KRABD4: variants seen among roughly 807,000 people sequenced by gnomAD.
KRABD4 encodes the protein KRAB domain-containing protein 4.
At chrX:46,458,672 C>T in the KRABD4 span, among the ~76,000 whole-genome samples, 1 of 111,849 alleles carries the variant, frequency 8.9e-6, no homozygotes, top group Non-Finnish European at 1.9e-5. Flanking sequence ...TTTTAATCAG[C>T]AGTTGCATTG....
At chrX:46,473,216 T>C in the KRABD4 span, 1 of 1,177,566 alleles carries the variant, frequency 8.5e-7, no homozygotes, top group Non-Finnish European at 1.1e-6. Context: ...GCAAACTTAG[T>C]TGTACATCAA....
chrX:46,451,149 T>C, the KRABD4 span, among the ~76,000 whole-genome samples: 1 of 112,022 alleles, frequency 8.9e-6, no homozygotes, highest in Non-Finnish European at 1.9e-5. Context: ...TGATAATAAG[T>C]TTGTGCATAA....
At chrX:46,462,008 G>A in the KRABD4 span, among the ~76,000 whole-genome samples, 1 of 111,496 alleles carries the variant, frequency 9.0e-6, no homozygotes, top group South Asian at 3.8e-4. Context: ...AGTTCAAGAG[G>A]TGTGGTTTTG....
At chrX:46,469,426 T>C in the KRABD4 span, among the ~76,000 whole-genome samples, 1 of 112,299 alleles carries the variant, frequency 8.9e-6, no homozygotes, top group African/African-American at 3.2e-5. Context: ...CCCTGTGTTT[T>C]ATGTTCTTAC....
the KRABD4 span, among the ~76,000 whole-genome samples, chrX:46,457,888 C>G: frequency 2.7e-5 from 3 of 109,803 alleles, no homozygotes. Flanking sequence ...ATTACAGGTG[C>G]CTGCCACCAC....
the KRABD4 span, among the ~76,000 whole-genome samples, chrX:46,464,310 G>T: frequency 8.9e-6 from 1 of 112,185 alleles, no homozygotes; most frequent in African/African-American, 3.2e-5. Context: ...CCTGGGCATT[G>T]TTGGGGCACT....
chrX:46,449,246 C>T, the KRABD4 span, among the ~76,000 whole-genome samples: 51 of 111,440 alleles, frequency 4.6e-4, no homozygotes, highest in African/African-American at 1.4e-3. Flanking sequence ...GGAGCAGGCA[C>T]GGTGGTTTTC....
At chrX:46,457,942 A>C in the KRABD4 span, among the ~76,000 whole-genome samples, 4 of 110,707 alleles carry the variant, frequency 3.6e-5, no homozygotes, top group Non-Finnish European at 3.8e-5. Context: ...AGGTTTCACC[A>C]TGTTGGCCAG....
At chrX:46,472,939 C>T in the KRABD4 span, 4 of 1,209,582 alleles carry the variant, frequency 3.3e-6, no homozygotes, top group African/African-American at 1.8e-5. Flanking sequence ...AAATATTATT[C>T]GTGGGAAAAG....
At chrX:46,462,509 C>CAA in the KRABD4 span, 19 of 360,041 alleles carry the variant, frequency 5.3e-5, no homozygotes, top group Non-Finnish European at 7.3e-5. Flanking sequence ...GACTCGGTCT[C>CAA]AAAAAAAAAA....
At chrX:46,470,450 ATG>A in the KRABD4 span, among the ~76,000 whole-genome samples, 7 of 111,034 alleles carry the variant, frequency 6.3e-5, no homozygotes, top group Admixed American at 6.8e-4. Flanking sequence ...ATACAGTATG[ATG>A]CTTTATGGGA....
At chrX:46,468,541 C>T in the KRABD4 span, among the ~76,000 whole-genome samples, 4 of 107,815 alleles carry the variant, frequency 3.7e-5, no homozygotes, top group African/African-American at 1.4e-4. Context: ...AAGACTCTGT[C>T]TCAAAAAAAA....
At chrX:46,447,752 G>C in the KRABD4 span, among the ~76,000 whole-genome samples, 1 of 112,389 alleles carries the variant, frequency 8.9e-6, no homozygotes, top group African/African-American at 3.2e-5. Flanking sequence ...AAATGGCTCA[G>C]TGTGGCTTGA....
the KRABD4 span, among the ~76,000 whole-genome samples, chrX:46,461,779 T>G: frequency 1.3e-3 from 144 of 111,766 alleles, no homozygotes; most frequent in Non-Finnish European, 2.1e-3. Flanking sequence ...ATTGATTAGC[T>G]ATGTTTAGAA....
chrX:46,461,775 T>G, the KRABD4 span, among the ~76,000 whole-genome samples: 149 of 111,757 alleles, frequency 1.3e-3, no homozygotes, highest in Non-Finnish European at 2.1e-3. Flanking sequence ...CATGATTGAT[T>G]AGCTATGTTT....
chrX:46,447,477 C>T, the KRABD4 span: 2 of 111,186 alleles, frequency 1.8e-5, no homozygotes, highest in Non-Finnish European at 3.8e-5. Context: ...AAAAGCCCAT[C>T]CTCCAGGCCA....
chrX:46,453,522 C>A, the KRABD4 span, among the ~76,000 whole-genome samples: 1 of 111,374 alleles, frequency 9.0e-6, no homozygotes, highest in African/African-American at 3.3e-5. Context: ...TACTAAGTAA[C>A]CACATAAATA....
chrX:46,472,537 ATATT>A, the KRABD4 span: 1 of 381,129 alleles, frequency 2.6e-6, no homozygotes, highest in Non-Finnish European at 4.5e-6. Flanking sequence ...GCTTGGCTGC[ATATT>A]AAATTATTTT....
At chrX:46,463,671 TATTAATAG>T in the KRABD4 span, among the ~76,000 whole-genome samples, 1 of 111,917 alleles carries the variant, frequency 8.9e-6, no homozygotes, top group Non-Finnish European at 1.9e-5. Context: ...ATAGTAGATG[TATTAATAG>T]ATGTCAGCAT....
Sources: allele counts gnomAD v4.1 joint callset (sites outside exome capture counted in the v4.1 genomes callset), GRCh38; gene constraint gnomAD v4.1.1; transcripts MANE v1.5; gene names NCBI Gene and HGNC (gene_info 2026-07-23, HGNC 2026-07-21).